TSC22D1: variants seen among roughly 807,000 people sequenced by gnomAD.
TSC22D1 encodes TSC22 domain family protein 1.
In TSC22D1, 9 loss-of-function variants were observed where a neutral mutation model predicts 74.2. That is an observed-to-expected ratio of 0.12 (90% CI 0.07 to 0.21). The LOEUF (loss-of-function observed/expected upper bound fraction) is 0.21. Ranked by LOEUF, TSC22D1 falls within the 10% of genes least tolerant of loss-of-function variation. The probability of loss-of-function intolerance (pLI) is 1.00; values close to 1 mark genes in which losing one functional copy is unlikely to be tolerated. For synonymous variants in TSC22D1, 586 were observed against 492.5 expected (o/e 1.19, Z -2.51); for missense variants, 1,427 against 1,304.7 (o/e 1.09, Z -1.44).
rs1884025127 is a variant in TSC22D1, at chr13:44,574,308, T to C, written c.1767A>G (p.Ser589=). The C allele has an allele frequency of 2.5e-6, 4 of 1,614,246 alleles. No individual in the cohort carries two copies. The East Asian group carries it at 8.9e-5, about 36-fold the overall frequency. Residue 589 remains serine, a synonymous_variant, in exon 1 of 3, where the codon TCA becomes TCG. Coordinates refer to ENST00000458659, the MANE Select transcript of TSC22D1 (RefSeq NM_183422.4). ...PSPVNVVGVT[S]ALGQQPSISS... Reference sequence around the variant, plus strand: ...AAATGGAAGGCTGCTGACCTAAAGCTGAAGTTACACCAACCACATTTACAG... The same window carrying C: ...AAATGGAAGGCTGCTGACCTAAAGCCGAAGTTACACCAACCACATTTACAG...
intron 1 of TSC22D1, among the ~76,000 whole-genome samples, chr13:44,515,314 T>A (rs77562272): frequency 0.018 from 2,701 of 151,474 alleles, 67 homozygotes; most frequent in African/African-American, 0.061. Flanking sequence ...ATTTTTTTTT[T>A]AAAAAGAATA....
chr13:44,541,832 GA>G (rs1881487808), intron 1 of TSC22D1, among the ~76,000 whole-genome samples: 1 of 152,076 alleles, frequency 6.6e-6, no homozygotes, highest in Admixed American at 6.5e-5. Context: ...CTCTTTAACA[GA>G]GGAAAAAGGC....
At chr13:44,507,354 G>A (rs1879491628) in intron 1 of TSC22D1, among the ~76,000 whole-genome samples, 1 of 152,132 alleles carries the variant, frequency 6.6e-6, no homozygotes, top group Non-Finnish European at 1.5e-5. Context: ...GAAAGGCCAA[G>A]ATTAGGGAGG....
rs1467655233 is a variant in TSC22D1, at chr13:44,432,389, T to C, written c.*2237A>G. 1.3e-5 allele frequency: 2 copies of C among 152,234 alleles called. No homozygotes were observed. Among genetic ancestry groups the C allele is most frequent in the African/African-American group, 2.4e-5 (1 of 41,462 alleles). 9.4% of individuals were successfully genotyped at this position (152,234 alleles called of 1,614,324 possible). A position where few individuals can be genotyped will look rare whatever the true frequency, so the allele number is the denominator to read the frequency against. Reference sequence around the variant, plus strand: ...AATGGCTAGGGATTTCTATTCACTATAGTTTTTTCAAGGAAATGTAATTAC... The same window carrying C: ...AATGGCTAGGGATTTCTATTCACTACAGTTTTTTCAAGGAAATGTAATTAC... On this transcript the variant is annotated 3_prime_UTR_variant, in exon 3 of 3. Transcript: ENST00000458659.
chr13:44,557,148 GA>G (rs1009761458), intron 1 of TSC22D1, among the ~76,000 whole-genome samples: 100 of 129,730 alleles, frequency 7.7e-4, no homozygotes, highest in East Asian at 1.1e-3. Context: ...AGTCTCAAAG[GA>G]AAAAAAAAAA....
chr13:44,538,586 C>A, intron 1 of TSC22D1: 1 of 985,378 alleles, frequency 1.0e-6, no homozygotes, highest in Non-Finnish European at 1.2e-6. Context: ...CTATTTCAGT[C>A]TTCTGAATAG....
intron 1 of TSC22D1, among the ~76,000 whole-genome samples, chr13:44,461,992 A>T (rs1265574087): frequency 6.6e-6 from 1 of 152,180 alleles, no homozygotes; most frequent in Non-Finnish European, 1.5e-5. Flanking sequence ...GTATGAACAG[A>T]AGGAAGGCAA....
At chr13:44,508,721 C>T (rs569852957) in intron 1 of TSC22D1, among the ~76,000 whole-genome samples, 11 of 152,246 alleles carry the variant, frequency 7.2e-5, no homozygotes, top group African/African-American at 2.2e-4. Context: ...CCCCTGCTTA[C>T]CTCTGCAGCT....
chr13:44,478,547 T>C (rs1487248714), intron 1 of TSC22D1, among the ~76,000 whole-genome samples: 1 of 149,364 alleles, frequency 6.7e-6, no homozygotes, highest in South Asian at 2.1e-4. Context: ...AAGCTCAAAA[T>C]CTGGGGGGGA....
chr13:44,447,224 T>TC (rs1324957757), intron 1 of TSC22D1, among the ~76,000 whole-genome samples: 1 of 152,082 alleles, frequency 6.6e-6, no homozygotes, highest in Non-Finnish European at 1.5e-5. Context: ...GCTCAGGCAG[T>TC]CCTCCCACCT....
intron 1 of TSC22D1, among the ~76,000 whole-genome samples, chr13:44,445,019 T>C (rs982224295): frequency 1.3e-5 from 2 of 152,078 alleles, no homozygotes; most frequent in Admixed American, 6.6e-5. Flanking sequence ...CTATACAAAC[T>C]CTTCCAGAGA....
At chr13:44,456,572 C>T (rs975430230) in intron 1 of TSC22D1, among the ~76,000 whole-genome samples, 20 of 152,218 alleles carry the variant, frequency 1.3e-4, no homozygotes, top group African/African-American at 4.3e-4. Context: ...GAAGCCCAGC[C>T]GGCTTCACCT....
At chr13:44,437,182 G>A (rs1482215124) in intron 1 of TSC22D1, 2 of 985,424 alleles carry the variant, frequency 2.0e-6, no homozygotes, top group Admixed American at 6.1e-5. Flanking sequence ...TTACGTTTAA[G>A]GGAGTCAGAC....
intron 1 of TSC22D1, among the ~76,000 whole-genome samples, chr13:44,466,136 G>A (rs1319614945): frequency 1.3e-5 from 2 of 152,148 alleles, no homozygotes; most frequent in Non-Finnish European, 2.9e-5. Context: ...AATCCCCCAG[G>A]AGCACTCATC....
intron 1 of TSC22D1, among the ~76,000 whole-genome samples, chr13:44,456,020 G>C (rs561507932): frequency 6.6e-6 from 1 of 152,172 alleles, no homozygotes; most frequent in African/African-American, 2.4e-5. Flanking sequence ...ACATAAGTCT[G>C]TATAAGACAG....
At chr13:44,478,334 G>T (rs955162626) in intron 1 of TSC22D1, among the ~76,000 whole-genome samples, 2 of 152,076 alleles carry the variant, frequency 1.3e-5, no homozygotes, top group African/African-American at 4.8e-5. Context: ...TACTTTATAC[G>T]TATATTACCT....
chr13:44,555,490 CA>C (rs1300620683), intron 1 of TSC22D1, among the ~76,000 whole-genome samples: 1 of 152,112 alleles, frequency 6.6e-6, no homozygotes, highest in Non-Finnish European at 1.5e-5. Flanking sequence ...CCTGTCATCC[CA>C]GCTACTCAGG....
In TSC22D1 at chr13:44,432,184, A is replaced by T. The variant is rs2138831121; in HGVS notation, c.*2442T>A. On this transcript the variant is annotated 3_prime_UTR_variant, in exon 3 of 3. Transcript: ENST00000458659. ...TTAATAATTCATTCTTATTTCACAA[A>T]TATTCAGCTGCCAAAATTTCATGAG... 6.6e-6 allele frequency: 1 copy of T among 152,318 alleles called. No homozygotes were observed. Among genetic ancestry groups the T allele is most frequent in the Admixed American group, 6.5e-5 (1 of 15,298 alleles). 9.4% of individuals were successfully genotyped at this position (152,318 alleles called of 1,614,324 possible).
intron 1 of TSC22D1, among the ~76,000 whole-genome samples, chr13:44,460,838 C>T (rs1212163433): frequency 6.6e-6 from 1 of 152,190 alleles, no homozygotes; most frequent in African/African-American, 2.4e-5. Flanking sequence ...ATAGTAGTTA[C>T]TGGGCTTCTT....
Sources: allele counts gnomAD v4.1 joint callset (sites outside exome capture counted in the v4.1 genomes callset), GRCh38; gene constraint gnomAD v4.1.1; transcripts MANE v1.5; gene names NCBI Gene and HGNC (gene_info 2026-07-23, HGNC 2026-07-21).